UBR1: variants seen among roughly 807,000 people sequenced by gnomAD.
The protein encoded by UBR1 is E3 ubiquitin-protein ligase UBR1.
A neutral mutation model predicts 242.1 loss-of-function variants in UBR1; 102 were observed. The ratio of observed to expected loss-of-function variants is 0.42; its 90% confidence interval spans 0.36 to 0.50. The LOEUF is 0.50. Ranked by LOEUF, UBR1 falls within the 20% of genes least tolerant of loss-of-function variation. UBR1 has a pLI of 0.01. For synonymous variants in UBR1, 675 were observed against 684.8 expected, an observed-to-expected ratio of 0.99 and a Z score of 0.22; for missense variants, 1,772 against 2,101.8, an observed-to-expected ratio of 0.84 and a Z score of 3.07.
chr15:43,102,073 G>A (rs559816555), intron 1 of UBR1, among the ~76,000 whole-genome samples: 20 of 149,814 alleles, frequency 1.3e-4, no homozygotes, highest in South Asian at 6.4e-4. Context: ...TTGGGACAAA[G>A]AGGTTGCAAT....
At chr15:43,035,811 G>A (rs1172430563) in intron 19 of UBR1, among the ~76,000 whole-genome samples, 1 of 151,518 alleles carries the variant, frequency 6.6e-6, no homozygotes, top group Non-Finnish European at 1.5e-5. Context: ...TGTATAAGGT[G>A]TAAGGAAGGG....
At chr15:43,074,123 G>C (rs1171182207) in intron 4 of UBR1, among the ~76,000 whole-genome samples, 3 of 152,224 alleles carry the variant, frequency 2.0e-5, no homozygotes, top group Admixed American at 2.0e-4. Flanking sequence ...TATACTATCT[G>C]ATAAGATAAT....
chr15:43,064,379 C>G (rs2033727363), intron 6 of UBR1, among the ~76,000 whole-genome samples: 1 of 152,060 alleles, frequency 6.6e-6, no homozygotes, highest in Admixed American at 6.6e-5. Flanking sequence ...AGAAATTAGT[C>G]TAAAAACACA....
chr15:43,081,662 T>C (rs2033976317), intron 3 of UBR1, among the ~76,000 whole-genome samples: 1 of 152,144 alleles, frequency 6.6e-6, no homozygotes, highest in Non-Finnish European at 1.5e-5. Context: ...TTTAAAGGGA[T>C]GGTTTTCTTA....
chr15:43,033,525 T>G (rs1291921122), intron 19 of UBR1, among the ~76,000 whole-genome samples: 1 of 152,098 alleles, frequency 6.6e-6, no homozygotes, highest in East Asian at 1.9e-4. Context: ...GCGCCTGTAA[T>G]CCCAGCACGC....
At chr15:43,065,191 A>T (rs1339460730) in intron 6 of UBR1, among the ~76,000 whole-genome samples, 1 of 152,192 alleles carries the variant, frequency 6.6e-6, no homozygotes, top group Non-Finnish European at 1.5e-5. Flanking sequence ...CAAATCTGGT[A>T]CCATTCTGAA....
chr15:42,993,714 C>T (rs575489385), intron 33 of UBR1, among the ~76,000 whole-genome samples: 53 of 151,778 alleles, frequency 3.5e-4, no homozygotes, highest in African/African-American at 1.3e-3. Context: ...GTGTTGGTGG[C>T]GGGCAACCAA....
intron 39 of UBR1, among the ~76,000 whole-genome samples, chr15:42,973,221 C>T (rs1274589083): frequency 6.6e-6 from 1 of 152,182 alleles, no homozygotes; most frequent in African/African-American, 2.4e-5. Context: ...TAGTCTCAAA[C>T]TCCTGGGCTC....
At chr15:43,050,165 T>C (rs2033536827) in intron 12 of UBR1, among the ~76,000 whole-genome samples, 1 of 152,074 alleles carries the variant, frequency 6.6e-6, no homozygotes, top group African/African-American at 2.4e-5. Flanking sequence ...CCCAGGCTGG[T>C]TGCAACCTCC....
At chr15:42,975,057 G>A (rs2032266876) in intron 39 of UBR1, among the ~76,000 whole-genome samples, 1 of 152,058 alleles carries the variant, frequency 6.6e-6, no homozygotes, top group African/African-American at 2.4e-5. Context: ...CCACCACGCT[G>A]GCTAATTATT....
rs2033651350 is a variant in UBR1 at position 43,059,068 on chromosome 15, AG to A, written c.1093+16del. ...CCTTTGCTTCCTGACAAACAGCATA[AG>A]CAAATGTCTACTTACCTTTATAAAG... On this transcript the variant is annotated intron_variant, in intron 9 of 46. Coordinates refer to ENST00000290650, the MANE Select transcript of UBR1 (RefSeq NM_174916.3). The A allele has an allele frequency of 6.2e-7, 1 of 1,602,206 alleles. No homozygotes were observed. The highest frequency in any genetic ancestry group is 8.6e-7 in the Non-Finnish European group (1 of 1,169,298).
intron 37 of UBR1, among the ~76,000 whole-genome samples, chr15:42,980,721 A>C (rs1188670540): frequency 4.6e-5 from 7 of 151,888 alleles, no homozygotes; most frequent in Non-Finnish European, 1.5e-5. Context: ...TGATACTCCC[A>C]ACTCAGCCTC....
At chr15:42,998,564 T>C (rs1596092204) in intron 32 of UBR1, among the ~76,000 whole-genome samples, 1 of 152,214 alleles carries the variant, frequency 6.6e-6, no homozygotes, top group East Asian at 1.9e-4. Context: ...GTCATTGATT[T>C]CTCTGATTCC....
chr15:43,031,897 G>A (rs1015816984), intron 20 of UBR1, among the ~76,000 whole-genome samples: 1 of 152,170 alleles, frequency 6.6e-6, no homozygotes, highest in Non-Finnish European at 1.5e-5. Flanking sequence ...GGCCAGGCGT[G>A]GTGGCGCACA....
chr15:43,072,978 G>A (rs780238348), intron 4 of UBR1, among the ~76,000 whole-genome samples: 1 of 151,848 alleles, frequency 6.6e-6, no homozygotes, highest in Non-Finnish European at 1.5e-5. Flanking sequence ...CCTGGCCAAC[G>A]TGATGAAACC....
chr15:42,991,395 C>A (rs931403656), intron 33 of UBR1, among the ~76,000 whole-genome samples: 5 of 151,988 alleles, frequency 3.3e-5, no homozygotes, highest in Admixed American at 1.3e-4. Flanking sequence ...CACCACTGTG[C>A]CTGGCTCTTT....
At chr15:43,047,751 AAT>A (rs759897292) in intron 13 of UBR1, among the ~76,000 whole-genome samples, 1 of 152,234 alleles carries the variant, frequency 6.6e-6, no homozygotes, top group Non-Finnish European at 1.5e-5. Context: ...GAGCCAAAAA[AAT>A]ATGTGTTGTG....
intron 14 of UBR1, 66 bp from the exon 15 acceptor site, chr15:43,043,461 T>C: frequency 6.6e-7 from 1 of 1,504,170 alleles, no homozygotes; most frequent in Non-Finnish European, 9.2e-7. Context: ...TTGTTTTGTT[T>C]TGAGACAGCC....
intron 1 of UBR1, among the ~76,000 whole-genome samples, chr15:43,096,569 C>T (rs1383252346): frequency 6.6e-6 from 1 of 152,210 alleles, no homozygotes; most frequent in African/African-American, 2.4e-5. Flanking sequence ...GGCAGAACTT[C>T]TTTCAAAACT....
Sources: allele counts gnomAD v4.1 joint callset (sites outside exome capture counted in the v4.1 genomes callset), GRCh38; gene constraint gnomAD v4.1.1; transcripts MANE v1.5; gene names NCBI Gene and HGNC (gene_info 2026-07-23, HGNC 2026-07-21).